The following FERMT1 variants were observed in gnomAD, a reference collection of about 807,000 sequenced individuals.
FERMT1 encodes fermitin family homolog 1.
FERMT1 carries 60 observed loss-of-function variants against 85.3 expected under a neutral mutation model. The observed-to-expected ratio is 0.70, with a 90% CI of 0.57 to 0.87. The LOEUF (loss-of-function observed/expected upper bound fraction) is 0.87, where lower values mean the gene tolerates loss of function less well. Ranked by LOEUF, FERMT1 falls within the 40% of genes least tolerant of loss-of-function variation. The probability of loss-of-function intolerance (pLI) is 0.00; values close to 1 mark genes in which losing one functional copy is unlikely to be tolerated. For synonymous variants in FERMT1, 275 were observed against 301.1 expected, an observed-to-expected ratio of 0.91 and a Z score of 0.90; for missense variants, 701 against 818.9, an observed-to-expected ratio of 0.86 and a Z score of 1.76.
rs1334293996 is a variant in FERMT1 at position 6,079,499 on chromosome 20, A to C, written c.1797T>G (p.Ile599Met). Residue 599 changes from isoleucine (I) to methionine (M), a missense_variant, in exon 14 of 15, where the codon ATT (isoleucine) becomes ATG (methionine). By Grantham distance (10) the Ile-to-Met change is conservative (BLOSUM62 1). Coordinates refer to ENST00000217289, the MANE Select transcript of FERMT1 (RefSeq NM_017671.5). ...TTGTGAATCTCCATGTTGTCACTGG[A>C]ATCCCGGTGGCTGCATCAATTTTAA... ...RLIKIDAATG[I>M]PVTTWRFTNI... is the part of the protein sequence containing the mutation. 3.1e-6 allele frequency: 5 copies of C among 1,613,594 alleles called. No homozygotes were observed. The highest frequency in any genetic ancestry group is 4.2e-6 in the Non-Finnish European group (5 of 1,179,502).
intron 6 of FERMT1, among the ~76,000 whole-genome samples, chr20:6,100,543 A>G (rs1030179020): frequency 3.3e-5 from 5 of 152,206 alleles, no homozygotes; most frequent in Non-Finnish European, 5.9e-5. Context: ...TGGTTGCACA[A>G]CTCTGAATAT....
chr20:6,081,823 T>C (rs1424654589), intron 13 of FERMT1, among the ~76,000 whole-genome samples: 2 of 152,204 alleles, frequency 1.3e-5, no homozygotes, highest in East Asian at 3.9e-4. Flanking sequence ...ATCATTCTTA[T>C]CTTCTGCATG....
intron 6 of FERMT1, among the ~76,000 whole-genome samples, chr20:6,100,174 TAGTC>T (rs1982623470): frequency 6.6e-6 from 1 of 152,158 alleles, no homozygotes; most frequent in Non-Finnish European, 1.5e-5. Context: ...TTATTCATAA[TAGTC>T]AAACAGTGAA....
At chr20:6,106,824 A>G (rs569412746) in intron 6 of FERMT1, among the ~76,000 whole-genome samples, 1 of 152,142 alleles carries the variant, frequency 6.6e-6, no homozygotes, top group Non-Finnish European at 1.5e-5. Context: ...TATGTGCACC[A>G]TCATGTGATC....
chr20:6,109,672 G>A (rs755575703), intron 5 of FERMT1, among the ~76,000 whole-genome samples: 7 of 152,240 alleles, frequency 4.6e-5, no homozygotes, highest in Admixed American at 3.9e-4. Flanking sequence ...GGCCAAGGTG[G>A]GCAGATTACC....
At position 6,110,373 on chromosome 20, in the gene FERMT1, G is replaced by C. The variant is rs752983617; in HGVS notation, c.671C>G (p.Pro224Arg). Residue 224 changes from proline (P) to arginine (R), a missense_variant, in exon 5 of 15, where the codon CCC becomes CGC. Coordinates refer to ENST00000217289, the MANE Select transcript of FERMT1 (RefSeq NM_017671.5). ...CGCAAGTGCTTCTGGGGACTGGGGG[G>C]GTTGGCTGAATGCGAGGATGCTGCA... ...QNCSILAFSQ[P>R]PQSPEALADM... is the part of the protein sequence containing the mutation. The C allele has an allele frequency of 1.2e-5, 20 of 1,613,852 alleles. No individual in the cohort carries two copies. The highest frequency in any genetic ancestry group is 2.7e-5 in the African/African-American group (2 of 74,892).
In FERMT1 at chr20:6,112,527, A is replaced by G. The variant is rs185559251; in HGVS notation, c.482T>C (p.Ile161Thr). 32 of 1,613,106 alleles carry G rather than the reference A, an allele frequency of 2.0e-5. No individual in the cohort carries two copies. In the East Asian group the frequency reaches 5.1e-4, roughly 26 times the overall value. The change falls in exon 4 of 15, where the codon ATT becomes ACT. Residue 161 changes from isoleucine (I) to threonine (T), a missense_variant. Ile to Thr is a moderately conservative substitution (Grantham distance 89). Coordinates refer to ENST00000217289, the MANE Select transcript of FERMT1 (RefSeq NM_017671.5). The stretch of plus-strand genomic sequence containing the variant: ...ACTCTCCAGGTTTAGAATATCTTCA[A>G]TTATGGGTTCCTTATTATTTTTGTC... ...KKDKNNKEPIIEDILNLESSP... is the reference protein window; with the variant it reads ...KKDKNNKEPITEDILNLESSP...
intron 8 of FERMT1, among the ~76,000 whole-genome samples, chr20:6,095,775 C>T (rs1026127957): frequency 6.6e-6 from 1 of 152,168 alleles, no homozygotes; most frequent in Non-Finnish European, 1.5e-5. Context: ...AGAATCTTGG[C>T]GTTTAGTTTG....
At chr20:6,116,297 A>C (rs975027808) in intron 2 of FERMT1, among the ~76,000 whole-genome samples, 1 of 152,240 alleles carries the variant, frequency 6.6e-6, no homozygotes, top group Non-Finnish European at 1.5e-5. Flanking sequence ...ACAGCAAACC[A>C]TCATGGTACA....
chr20:6,096,195 G>A (rs966819358), intron 8 of FERMT1, among the ~76,000 whole-genome samples: 2 of 152,218 alleles, frequency 1.3e-5, no homozygotes, highest in African/African-American at 4.8e-5. Context: ...GGTTGAAATG[G>A]ATGACCAAGT....
chr20:6,103,767 GTTTTTTTT>G (rs66482243), intron 6 of FERMT1, among the ~76,000 whole-genome samples: 1,444 of 102,064 alleles, frequency 0.014, 12 homozygotes, highest in Middle Eastern at 0.038. Context: ...CTTTGTTATA[GTTTTTTTT>G]TTTTTTTTTT....
In FERMT1 at chr20:6,116,188, C is replaced by G; in HGVS notation, c.152-144G>C. On this transcript the variant is annotated intron_variant, in intron 2 of 14. Transcript: ENST00000217289. Reference sequence around the variant, plus strand: ...CCTCATGGCCTTTTACAATTCAAGGCTTAACAACTTTTGGCTTCTTTCCAA... The same window carrying G: ...CCTCATGGCCTTTTACAATTCAAGGGTTAACAACTTTTGGCTTCTTTCCAA... 5 of 689,026 alleles carry G rather than the reference C, an allele frequency of 7.3e-6. No homozygotes were observed. The South Asian group carries it at 8.6e-5, about 12-fold the overall frequency. 42.7% of individuals were successfully genotyped at this position (689,026 alleles called of 1,614,324 possible).
chr20:6,111,383 G>C (rs773207520), intron 4 of FERMT1, among the ~76,000 whole-genome samples: 1 of 152,012 alleles, frequency 6.6e-6, no homozygotes, highest in Non-Finnish European at 1.5e-5. Flanking sequence ...TGTAATCCCA[G>C]CATTTTGGGT....
At chr20:6,102,253 C>A (rs1016124079) in intron 6 of FERMT1, among the ~76,000 whole-genome samples, 1 of 152,130 alleles carries the variant, frequency 6.6e-6, no homozygotes, top group Non-Finnish European at 1.5e-5. Context: ...TGACAGGCAT[C>A]CTATAGGACT....
chr20:6,118,177 A>T (rs1983160498), intron 2 of FERMT1, among the ~76,000 whole-genome samples: 1 of 152,258 alleles, frequency 6.6e-6, no homozygotes, highest in African/African-American at 2.4e-5. Context: ...ATTGTGGCAT[A>T]TTCATACAAT....
rs78449803 is a variant in FERMT1 at position 6,119,384 on chromosome 20, G to A, written c.151+20C>T. On this transcript the variant is annotated intron_variant, in intron 2 of 14. Coordinates refer to ENST00000217289, the MANE Select transcript of FERMT1 (RefSeq NM_017671.5). Reference sequence around the variant, plus strand: ...ACAGGGTTTCTAATACAGAGAAACCGTAAAGCAAGAGTAACTTACTGATCT... The same window carrying A: ...ACAGGGTTTCTAATACAGAGAAACCATAAAGCAAGAGTAACTTACTGATCT... 0.066 allele frequency: 105,651 copies of A among 1,612,060 alleles called. 4,011 individuals are homozygous for A. Among genetic ancestry groups the A allele is most frequent in the Middle Eastern group, 0.12 (724 of 6,054 alleles).
In FERMT1 at chr20:6,085,319, C is replaced by T. The variant is rs1157771580; in HGVS notation, c.1372-32G>A. 1.9e-6 allele frequency: 3 copies of T among 1,596,400 alleles called. No homozygotes were observed. The East Asian group carries it at 6.7e-5, about 36-fold the overall frequency. ...CAAACAGAAGGTTGAGAAGCAAGCT[C>T]AAGTGCAAAGCCCCCTGCTGCACAC... On this transcript the variant is annotated intron_variant, in intron 11 of 14. Coordinates refer to ENST00000217289, the MANE Select transcript of FERMT1 (RefSeq NM_017671.5).
intron 7 of FERMT1, 29 bp from the exon 8 acceptor site, chr20:6,097,062 G>A: frequency 1.2e-6 from 2 of 1,605,236 alleles, no homozygotes; most frequent in Non-Finnish European, 1.7e-6. Context: ...TTTTAGAAAT[G>A]TTATAAACAG....
chr20:6,083,531 C>T lies in FERMT1; in HGVS notation c.1718+509G>A, dbSNP rs925876934. 5.9e-5 allele frequency among the ~76,000 whole-genome samples: 9 copies of T among 151,884 alleles called. No homozygotes were observed. The South Asian group carries it at 6.3e-4, about 11-fold the overall frequency. On this transcript the variant is annotated intron_variant, in intron 13 of 14. Coordinates refer to ENST00000217289, the MANE Select transcript of FERMT1 (RefSeq NM_017671.5). Reference sequence around the variant, plus strand: ...TGAGACACAAAAAGGAGGAAGCTGACATGAAAGAAAGTCGTAGCCAGGTGT... The same window carrying T: ...TGAGACACAAAAAGGAGGAAGCTGATATGAAAGAAAGTCGTAGCCAGGTGT...
Sources: allele counts gnomAD v4.1 joint callset (sites outside exome capture counted in the v4.1 genomes callset), GRCh38; gene constraint gnomAD v4.1.1; transcripts MANE v1.5; gene names NCBI Gene and HGNC (gene_info 2026-07-23, HGNC 2026-07-21).